AFF1: variants seen among roughly 807,000 people sequenced by gnomAD.
The protein encoded by AFF1 is AF4/FMR2 family member 1.
Under a neutral mutation model 121.7 loss-of-function variants are expected in AFF1, and 48 were observed. The ratio of observed to expected loss-of-function variants is 0.39; its 90% confidence interval spans 0.31 to 0.50. The LOEUF (loss-of-function observed/expected upper bound fraction) is 0.50. AFF1 is among the 20% of genes least tolerant of loss of function. The pLI is 0.76. For missense variants in AFF1, 1,523 were observed against 1,511.7 expected (o/e 1.01, Z -0.12); for synonymous variants, 613 against 563.0 (o/e 1.09, Z -1.26).
At chr4:87,070,389 G>A (rs570816602) in intron 4 of AFF1, among the ~76,000 whole-genome samples, 7 of 151,672 alleles carry the variant, frequency 4.6e-5, no homozygotes, top group East Asian at 2.0e-4. Flanking sequence ...CACCTGCCTC[G>A]GCCTCCCAAA....
intron 2 of AFF1, among the ~76,000 whole-genome samples, chr4:86,970,713 T>TGG (rs1353305903): frequency 6.6e-6 from 1 of 152,052 alleles, no homozygotes. Context: ...TATCTAGTCA[T>TGG]CAGGAAAGGT....
chr4:87,020,944 C>A (rs956936198), intron 2 of AFF1: 5 of 705,226 alleles, frequency 7.1e-6, no homozygotes, highest in African/African-American at 1.9e-5. Context: ...ATTCTGCATG[C>A]GGATTTTATT....
intron 12 of AFF1, among the ~76,000 whole-genome samples, chr4:87,120,356 A>G (rs1318014261): frequency 6.6e-6 from 1 of 152,222 alleles, no homozygotes; most frequent in Non-Finnish European, 1.5e-5. Flanking sequence ...TGCATGTGCT[A>G]CCAAGCTCAT....
intron 4 of AFF1, among the ~76,000 whole-genome samples, chr4:87,064,283 T>C (rs138147470): frequency 5.4e-4 from 83 of 152,328 alleles, no homozygotes; most frequent in African/African-American, 1.9e-3. Context: ...ATTAAACATA[T>C]TTTCATGGAA....
rs534297514 is a variant in AFF1 at position 87,052,080 on chromosome 4, A to G, written c.1059+4486A>G. On this transcript the variant is annotated intron_variant, in intron 4 of 20. Coordinates refer to ENST00000395146, the MANE Select transcript of AFF1 (RefSeq NM_001166693.3). ...AACATGCGTCAGTCATGCAGAGCTC[A>G]GAGACGTATTTCATTTCAGGCAGAG... 9.9e-5 allele frequency among the ~76,000 whole-genome samples: 15 copies of G among 152,226 alleles called. No homozygotes were observed. The East Asian group carries it at 2.3e-3, about 24-fold the overall frequency.
chr4:87,017,544 A>T (rs971681588), intron 2 of AFF1, among the ~76,000 whole-genome samples: 1 of 152,128 alleles, frequency 6.6e-6, no homozygotes, highest in Non-Finnish European at 1.5e-5. Context: ...CAACTCCACA[A>T]CTCATAAACC....
intron 2 of AFF1, among the ~76,000 whole-genome samples, chr4:87,009,548 G>A (rs1726516526): frequency 1.3e-5 from 2 of 152,176 alleles, no homozygotes; most frequent in Admixed American, 1.3e-4. Flanking sequence ...TAGGAACAAA[G>A]CCACAAGACT....
intron 2 of AFF1, among the ~76,000 whole-genome samples, chr4:86,969,646 C>T (rs1341911281): frequency 6.7e-6 from 1 of 149,222 alleles, no homozygotes; most frequent in Non-Finnish European, 1.5e-5. Context: ...TTAGGGAGGC[C>T]GAGGCAGGCG....
chr4:87,086,784 C>CA (rs1414407767), intron 5 of AFF1, among the ~76,000 whole-genome samples: 1 of 152,148 alleles, frequency 6.6e-6, no homozygotes, highest in African/African-American at 2.4e-5. Context: ...CTTGTACCAG[C>CA]AATTTATTAA....
intron 2 of AFF1, chr4:86,949,889 G>A: frequency 6.2e-7 from 1 of 1,614,098 alleles, no homozygotes; most frequent in Non-Finnish European, 8.5e-7. Context: ...CCACGTGAAG[G>A]GGTTCTTGGT....
intron 4 of AFF1, among the ~76,000 whole-genome samples, chr4:87,076,087 A>G (rs1054980614): frequency 1.3e-5 from 2 of 152,070 alleles, no homozygotes; most frequent in Non-Finnish European, 2.9e-5. Context: ...GTGATTGGAG[A>G]GTCAAGGGAG....
At chr4:87,058,059 C>T (rs541977335) in intron 4 of AFF1, among the ~76,000 whole-genome samples, 2 of 152,232 alleles carry the variant, frequency 1.3e-5, no homozygotes, top group African/African-American at 2.4e-5. Flanking sequence ...CTTTAATTTC[C>T]AAAGCACTTA....
rs1431682981 is a variant in AFF1, at chr4:87,047,068, C to G, written c.533C>G (p.Ser178Cys). The change falls in exon 4 of 21, where the codon TCT (serine) becomes TGT (cysteine). Residue 178 changes from serine (S) to cysteine (C), a missense_variant. Around this residue, in one of 5 missense-constraint regions of AFF1, gnomAD observed 369 missense variants for 367.2 expected, o/e 1.00. Coordinates refer to ENST00000395146, the MANE Select transcript of AFF1 (RefSeq NM_001166693.3). ...QDRLGQEGFGSSHHKKGDRRA... is the reference protein window; with the variant it reads ...QDRLGQEGFGCSHHKKGDRRA... ...CGCCTTGGTCAGGAGGGGTTCGGCT[C>G]TAGTCATCACAAGAAAGGTGACCGA... The G allele has an allele frequency of 6.8e-6, 11 of 1,614,164 alleles. No homozygotes were observed. Among genetic ancestry groups the G allele is most frequent in the Non-Finnish European group, 9.3e-6 (11 of 1,180,026 alleles).
At chr4:87,093,516 G>A (rs1169642348) in intron 7 of AFF1, among the ~76,000 whole-genome samples, 2 of 152,106 alleles carry the variant, frequency 1.3e-5, no homozygotes, top group African/African-American at 2.4e-5. Context: ...GAGAGGGGAG[G>A]TAGGGGGATT....
At chr4:86,962,363 C>A (rs959656251) in intron 2 of AFF1, among the ~76,000 whole-genome samples, 2 of 152,024 alleles carry the variant, frequency 1.3e-5, no homozygotes, top group African/African-American at 4.8e-5. Context: ...CTTAACCTCT[C>A]CAAACTCTAG....
intron 2 of AFF1, among the ~76,000 whole-genome samples, chr4:87,045,103 G>C (rs150428194): frequency 1.7e-3 from 265 of 152,220 alleles, no homozygotes; most frequent in African/African-American, 6.0e-3. Flanking sequence ...GGAAATAAGA[G>C]AAGTCAGAAG....
chr4:87,128,899 G>A (rs1410702360), intron 16 of AFF1, among the ~76,000 whole-genome samples: 1 of 152,226 alleles, frequency 6.6e-6, no homozygotes, highest in East Asian at 1.9e-4. Context: ...TACTGGAACT[G>A]TATGAATCTT....
At chr4:87,134,847 T>C (rs1215130713) in intron 20 of AFF1, among the ~76,000 whole-genome samples, 153 bp downstream of exon 20, 1 of 145,882 alleles carries the variant, frequency 6.9e-6, no homozygotes, top group African/African-American at 2.5e-5. Flanking sequence ...CCTCAAAACC[T>C]AGTTGCGGTT....
chr4:87,061,586 G>A (rs1720792499), intron 4 of AFF1, among the ~76,000 whole-genome samples: 1 of 152,120 alleles, frequency 6.6e-6, no homozygotes, highest in African/African-American at 2.4e-5. Flanking sequence ...TATTTTTTGT[G>A]TTAAAAATGG....
Sources: gnomAD v4.1 joint callset for allele counts (sites outside exome capture counted in the v4.1 genomes callset) on GRCh38, gnomAD v4.1.1 for gene constraint, gnomAD v4.1.1 regional missense constraint, MANE v1.5 for transcripts, NCBI Gene and HGNC (gene_info 2026-07-23, HGNC 2026-07-21) for gene names.